Variants in CLEC9A observed in about 807,000 individuals in gnomAD.
CLEC9A encodes the protein C-type lectin domain family 9 member A.
A neutral mutation model predicts 30.0 loss-of-function variants in CLEC9A; 24 were observed. The observed-to-expected ratio is 0.80, with a 90% CI of 0.58 to 1.13. CLEC9A has a LOEUF of 1.13. Among genes scored for constraint, CLEC9A ranks in the 50% most tolerant of loss-of-function variants. The pLI, the probability that CLEC9A is intolerant of heterozygous loss-of-function variation, is 0.00. For missense variants in CLEC9A, 251 were observed against 280.9 expected (o/e 0.89, Z 0.76); for synonymous variants, 111 against 96.8 (o/e 1.15, Z -0.86).
At chr12:10,050,719 T>C (rs996562239) in intron 2 of CLEC9A, among the ~76,000 whole-genome samples, 25 of 152,172 alleles carry the variant, frequency 1.6e-4, no homozygotes, top group Admixed American at 1.2e-3. Context: ...TTGAGAACAA[T>C]TGGAAATTAA....
intron 1 of CLEC9A, among the ~76,000 whole-genome samples, chr12:10,034,247 T>C (rs769511245): frequency 2.0e-5 from 3 of 152,206 alleles, no homozygotes; most frequent in Admixed American, 6.5e-5. Context: ...GATAAAAGCA[T>C]ATAGAAAGAG....
chr12:10,040,193 C>T (rs900262918), intron 1 of CLEC9A, among the ~76,000 whole-genome samples: 2 of 152,180 alleles, frequency 1.3e-5, no homozygotes, highest in African/African-American at 4.8e-5. Context: ...TTTGGCATCA[C>T]ACAAGGAACA....
rs760904339 is a variant in CLEC9A, at chr12:10,052,484, A to C, written c.-58-146A>C. On this transcript the variant is annotated intron_variant, in intron 3 of 8. Transcript: ENST00000355819. The stretch of plus-strand genomic sequence containing the variant: ...TTCTCTCTCATTTCCTTTTTCACCA[A>C]GTTGTGTTTTGGCTTAGACTTCATA... 1.8e-3 allele frequency: 2,204 copies of C among 1,249,942 alleles called. 7 individuals carry two copies. Among genetic ancestry groups the C allele is most frequent in the Non-Finnish European group, 2.1e-3 (2,120 of 991,288 alleles). The allele number at this position is 1,249,942 out of a possible 1,614,324, so 77.4% of individuals were successfully genotyped here.
rs774503973 is a variant in CLEC9A, at chr12:10,065,643, G to T, written c.*11G>T. 1 of 1,613,018 alleles carries T rather than the reference G, an allele frequency of 6.2e-7. No individual in the cohort carries two copies. Among genetic ancestry groups the T allele is most frequent in the African/African-American group, 1.3e-5 (1 of 74,840 alleles). ...AGATCCTCTGTCTGAAAGAAATTGTGTTCAAAGTGTTCTATTACACTGTTA... is the reference window on the plus strand; with the variant it reads ...AGATCCTCTGTCTGAAAGAAATTGTTTTCAAAGTGTTCTATTACACTGTTA... On this transcript the variant is annotated 3_prime_UTR_variant, in exon 9 of 9. Coordinates refer to ENST00000355819, the MANE Select transcript of CLEC9A (RefSeq NM_207345.4).
chr12:10,039,623 C>T (rs906868224), intron 1 of CLEC9A, among the ~76,000 whole-genome samples: 10 of 152,222 alleles, frequency 6.6e-5, no homozygotes, highest in African/African-American at 1.7e-4. Context: ...CTAAAATTTG[C>T]GTCATCCCAC....
intron 1 of CLEC9A, among the ~76,000 whole-genome samples, chr12:10,039,769 A>G (rs563326753): frequency 1.3e-5 from 2 of 152,250 alleles, no homozygotes; most frequent in South Asian, 4.1e-4. Context: ...TCTTTCATTT[A>G]TCATCTTTTA....
intron 2 of CLEC9A, among the ~76,000 whole-genome samples, chr12:10,043,609 AGTGTGTGTGT>A (rs34659428): frequency 2.1e-5 from 3 of 144,044 alleles, no homozygotes; most frequent in Admixed American, 1.4e-4. Flanking sequence ...ACCATGGAAC[AGTGTGTGTGT>A]GTGTGTGTGT....
chr12:10,063,220 T>A lies in CLEC9A; in HGVS notation c.471+14T>A. 1 of 1,558,954 alleles carries A rather than the reference T, an allele frequency of 6.4e-7. No individual in the cohort carries two copies. The highest frequency in any genetic ancestry group is 8.6e-7 in the Non-Finnish European group (1 of 1,158,874). Reference sequence around the variant, plus strand: ...AAAGAAGAAATGGTAAACACTGTTTTGTGGTCTCATGTTATTCTGAAAATA... The same window carrying A: ...AAAGAAGAAATGGTAAACACTGTTTAGTGGTCTCATGTTATTCTGAAAATA... On this transcript the variant is annotated intron_variant, in intron 7 of 8. Transcript: ENST00000355819.
chr12:10,039,126 C>G (rs1311512853), intron 1 of CLEC9A, among the ~76,000 whole-genome samples: 1 of 152,172 alleles, frequency 6.6e-6, no homozygotes, highest in Non-Finnish European at 1.5e-5. Flanking sequence ...TACAATTGGC[C>G]CTGCTTCCTC....
chr12:10,037,841 CTA>C (rs763732219), intron 1 of CLEC9A, among the ~76,000 whole-genome samples: 19 of 152,164 alleles, frequency 1.2e-4, no homozygotes, highest in South Asian at 6.2e-4. Flanking sequence ...AAAGGTAACT[CTA>C]TGTGTGTTGG....
intron 6 of CLEC9A, among the ~76,000 whole-genome samples, chr12:10,061,980 C>A (rs901531885): frequency 6.6e-6 from 1 of 152,136 alleles, no homozygotes; most frequent in African/African-American, 2.4e-5. Context: ...AAAATTTAAT[C>A]GAGTGTTTGA....
intron 5 of CLEC9A, among the ~76,000 whole-genome samples, chr12:10,058,442 C>A (rs7297177): frequency 0.96 from 146,994 of 152,330 alleles, 71,155 homozygotes; most frequent in East Asian, 1. Flanking sequence ...ACAGGGCATA[C>A]ACATCTGCTT....
intron 2 of CLEC9A, among the ~76,000 whole-genome samples, chr12:10,050,123 C>G (rs761905005): frequency 6.6e-6 from 1 of 152,164 alleles, no homozygotes; most frequent in African/African-American, 2.4e-5. Flanking sequence ...GTTGGTGGAA[C>G]AGTCAGAACA....
intron 1 of CLEC9A, among the ~76,000 whole-genome samples, chr12:10,040,052 G>A (rs947683208): frequency 7.9e-5 from 12 of 152,164 alleles, no homozygotes; most frequent in Admixed American, 2.6e-4. Flanking sequence ...CGAACTCCTG[G>A]CCTCAAGTGA....
intron 2 of CLEC9A, among the ~76,000 whole-genome samples, chr12:10,050,992 G>A (rs190780437): frequency 6.6e-6 from 1 of 152,096 alleles, no homozygotes; most frequent in Non-Finnish European, 1.5e-5. Context: ...ATCACCTGAG[G>A]TCAGGAGTTT....
chr12:10,066,011 A>G lies in CLEC9A; in HGVS notation c.*379A>G, dbSNP rs1274302972. 1 of 154,924 alleles carries G rather than the reference A, an allele frequency of 6.5e-6. No homozygotes were observed. Among genetic ancestry groups the G allele is most frequent in the African/African-American group, 2.4e-5 (1 of 41,522 alleles). The allele number at this position is 154,924 out of a possible 1,614,324, so 9.6% of individuals were successfully genotyped here. Reference sequence around the variant, plus strand: ...ACTAATATTTTTAAAATAAATAAATAAATTTGGCCTTTAAAACTCACTGTC... The same window carrying G: ...ACTAATATTTTTAAAATAAATAAATGAATTTGGCCTTTAAAACTCACTGTC... On this transcript the variant is annotated 3_prime_UTR_variant, in exon 9 of 9. Transcript: ENST00000355819.
intron 2 of CLEC9A, among the ~76,000 whole-genome samples, chr12:10,051,422 A>C (rs1418769753): frequency 6.6e-6 from 1 of 152,170 alleles, no homozygotes; most frequent in African/African-American, 2.4e-5. Context: ...CAGGTCATGC[A>C]GTTCCAATAA....
chr12:10,063,288 A>G, intron 7 of CLEC9A, 82 bp downstream of exon 7: 1 of 1,282,728 alleles, frequency 7.8e-7, no homozygotes, highest in Non-Finnish European at 1.0e-6. Flanking sequence ...TCATAAGACA[A>G]AATTCCTTAA....
intron 4 of CLEC9A, chr12:10,052,981 G>C (rs1040472335): frequency 3.1e-5 from 15 of 477,864 alleles, no homozygotes; most frequent in Non-Finnish European, 5.1e-5. Context: ...TAAACGTGCG[G>C]AACTATTTTT....
Sources: gnomAD v4.1 joint callset for allele counts (sites outside exome capture counted in the v4.1 genomes callset) on GRCh38, gnomAD v4.1.1 for gene constraint, MANE v1.5 for transcripts, NCBI Gene and HGNC (gene_info 2026-07-23, HGNC 2026-07-21) for gene names.